Variants in SOHLH1 observed in about 807,000 individuals in gnomAD.
The protein encoded by SOHLH1 is spermatogenesis and oogenesis specific basic helix-loop-helix 1, also known as spermatogenesis- and oogenesis-specific basic helix-loop-helix-containing protein 1.
In SOHLH1, 23 loss-of-function variants were observed where a neutral mutation model predicts 36.2. That is an observed-to-expected ratio of 0.64 (90% CI 0.46 to 0.90). The LOEUF (loss-of-function observed/expected upper bound fraction) is 0.90, where lower values mean the gene tolerates loss of function less well. Among genes scored for constraint, SOHLH1 ranks in the 40% least tolerant of loss-of-function variants. SOHLH1 has a pLI of 0.00. For synonymous variants in SOHLH1, 289 were observed against 228.3 expected (o/e 1.27, Z -2.40); for missense variants, 608 against 517.0 (o/e 1.18, Z -1.71).
intron 6 of SOHLH1, 135 bp from the exon 7 acceptor site, chr9:135,694,592 C>T (rs2131285855): frequency 2.3e-6 from 3 of 1,308,220 alleles, no homozygotes; most frequent in Middle Eastern, 1.8e-4. Context: ...CAGGCTCCAC[C>T]CTGCCCAGCG....
chr9:135,695,752 C>T lies in SOHLH1; in HGVS notation c.662-489G>A, dbSNP rs1033996182. Reference sequence around the variant, plus strand: ...CTCATGGCACCTGGCGACTTCCAGACGCTACCACAGCAGGGGCCGAGGGGA... The same window carrying T: ...CTCATGGCACCTGGCGACTTCCAGATGCTACCACAGCAGGGGCCGAGGGGA... On this transcript the variant is annotated intron_variant, in intron 5 of 7. Coordinates refer to ENST00000425225, the MANE Select transcript of SOHLH1 (RefSeq NM_001101677.2). Among the ~76,000 whole-genome samples, 19 of 152,290 alleles carry T rather than the reference C, an allele frequency of 1.2e-4. No homozygotes were observed. The East Asian group carries it at 3.1e-3, about 25-fold the overall frequency.
At chr9:135,701,975 C>G (rs1452424873), upstream of SOHLH1, among the ~76,000 whole-genome samples, 5 of 152,044 alleles carry the variant, frequency 3.3e-5, no homozygotes, top group Non-Finnish European at 7.4e-5. Flanking sequence ...TTGACGAACC[C>G]CGTCCTGTTT....
In SOHLH1 at chr9:135,693,811, G is replaced by T; in HGVS notation, c.950C>A (p.Ser317Tyr). The change falls in exon 8 of 8, where the codon TCT becomes TAT. Residue 317 changes from serine to tyrosine, a missense_variant. Coordinates refer to ENST00000425225, the MANE Select transcript of SOHLH1 (RefSeq NM_001101677.2). The stretch of plus-strand genomic sequence containing the variant: ...GCCACTGCCTCCTCGACCCTCCAGA[G>T]ACCCTGGAAGCAAACAGGACACATC... ...LTAGPSSWPG[S>Y]LEGRGGSGPA... The T allele has an allele frequency of 6.4e-7, 1 of 1,564,418 alleles. No individual in the cohort carries two copies. Among genetic ancestry groups the T allele is most frequent in the African/African-American group, 1.4e-5 (1 of 73,692 alleles).
In SOHLH1 at chr9:135,695,094, C is replaced by T. The variant is rs55674357; in HGVS notation, c.831G>A (p.Leu277=). Residue 277 remains leucine, a synonymous_variant, in exon 6 of 8, where the codon CTG becomes CTA. Transcript: ENST00000425225. The part of the protein sequence containing the change: ...AGPLAMGAAP[L]GEPAKEDPML... ...TGGGGTCCTCCTTGGCTGGCTCCCC[C>T]AGAGGTGCAGCCCCCATGGCCAGGG... 8 of 1,598,120 alleles carry T rather than the reference C, an allele frequency of 5.0e-6. No homozygotes were observed. In the South Asian group the frequency reaches 6.8e-5, roughly 14 times the overall value.
rs747241771 is a variant in SOHLH1 at position 135,697,486 on chromosome 9, G to A, written c.467+20C>T. 61 of 1,605,086 alleles carry A rather than the reference G, an allele frequency of 3.8e-5. No homozygotes were observed. The highest frequency in any genetic ancestry group is 8.0e-5 in the African/African-American group (6 of 74,842). The stretch of plus-strand genomic sequence containing the variant: ...CCAGGGTCACCCAGCCCTGGAGAGC[G>A]GGCCCCAGGAGACACTAACCGAGTC... On this transcript the variant is annotated intron_variant, in intron 4 of 7. Transcript: ENST00000425225.
Position 135,693,818 on chromosome 9 carries a change from G to A in SOHLH1, c.947-4C>T. On this transcript the variant is annotated splice_region_variant and splice_polypyrimidine_tract_variant and intron_variant, in intron 7 of 7. Transcript: ENST00000425225. The stretch of plus-strand genomic sequence containing the variant: ...CCTCCTCGACCCTCCAGAGACCCTG[G>A]AAGCAAACAGGACACATCGGCAGGG... 1 of 1,559,560 alleles carries A rather than the reference G, an allele frequency of 6.4e-7. No homozygotes were observed. Among genetic ancestry groups the A allele is most frequent in the South Asian group, 1.2e-5 (1 of 84,918 alleles).
At position 135,695,270 on chromosome 9, in the gene SOHLH1, G is replaced by A. The variant is rs1000405099; in HGVS notation, c.662-7C>T. The A allele has an allele frequency of 3.2e-6, 5 of 1,586,846 alleles. No homozygotes were observed. In the Admixed American group the frequency reaches 7.2e-5, roughly 23 times the overall value. ...GGCACCAGGCTGGAAGGTTCTGGGAGAGAAGTCAGATGCGGGTCAGCCTTC... is the reference window on the plus strand; with the variant it reads ...GGCACCAGGCTGGAAGGTTCTGGGAAAGAAGTCAGATGCGGGTCAGCCTTC... On this transcript the variant is annotated splice_polypyrimidine_tract_variant and splice_region_variant and intron_variant, in intron 5 of 7. Coordinates refer to ENST00000425225, the MANE Select transcript of SOHLH1 (RefSeq NM_001101677.2).
At chr9:135,697,893 C>T (rs1473967659) in intron 3 of SOHLH1, among the ~76,000 whole-genome samples, 1 of 152,156 alleles carries the variant, frequency 6.6e-6, no homozygotes, top group Non-Finnish European at 1.5e-5. Context: ...AACACAGTTT[C>T]ATTCCCCACA....
Position 135,693,851 on chromosome 9 carries a change from G to T in SOHLH1, c.947-37C>A, listed in dbSNP as rs139628460. The T allele has an allele frequency of 7.4e-3, 11,242 of 1,526,882 alleles. 80 individuals carry two copies. Among genetic ancestry groups the T allele is most frequent in the Middle Eastern group, 0.03 (180 of 5,908 alleles). The allele number at this position is 1,526,882 out of a possible 1,614,324, so 94.6% of individuals were successfully genotyped here. A position where few individuals can be genotyped will look rare whatever the true frequency, so the allele number is the denominator to read the frequency against. Reference sequence around the variant, plus strand: ...CAGGACACATCGGCAGGGCAGGCAGGTGCTCTGGGAGCTTGAGGCAGACAG... The same window carrying T: ...CAGGACACATCGGCAGGGCAGGCAGTTGCTCTGGGAGCTTGAGGCAGACAG... On this transcript the variant is annotated intron_variant, in intron 7 of 7. Coordinates refer to ENST00000425225, the MANE Select transcript of SOHLH1 (RefSeq NM_001101677.2).
upstream of SOHLH1, among the ~76,000 whole-genome samples, chr9:135,700,387 A>G: frequency 6.6e-6 from 1 of 150,732 alleles, no homozygotes; most frequent in South Asian, 2.1e-4. Context: ...GGAGGTGGAG[A>G]CCCTTCCTCT....
rs1231834107 is a variant in SOHLH1, at chr9:135,695,189, G to A, written c.736C>T (p.Pro246Ser). 14 of 1,604,882 alleles carry A rather than the reference G, an allele frequency of 8.7e-6. No homozygotes were observed. Among genetic ancestry groups the A allele is most frequent in the Non-Finnish European group, 1.2e-5 (14 of 1,177,368 alleles). Residue 246 changes from proline (P) to serine (S), a missense_variant, in exon 6 of 8, where the codon CCG (proline) becomes TCG (serine). Physicochemically the swap from Pro to Ser is moderately conservative, Grantham distance 74. Transcript: ENST00000425225. The stretch of plus-strand genomic sequence containing the variant: ...GGCAAGGTCTGCTGCTGCGAGAACG[G>A]AGGCCAGGACAGGGGTGGCCTCACA... ...KAVRPPLSWP[P>S]FSQQQTLPVM...
Position 135,695,045 on chromosome 9 carries a change from C to T in SOHLH1, c.875+5G>A. ...CACAGGCGTGCACACCACCTGGGCA[C>T]TCACCCGGCCTCCTGCGCCAGCATG... On this transcript the variant is annotated splice_donor_5th_base_variant and intron_variant, in intron 6 of 7. Coordinates refer to ENST00000425225, the MANE Select transcript of SOHLH1 (RefSeq NM_001101677.2). The T allele has an allele frequency of 6.3e-7, 1 of 1,588,444 alleles. No individual in the cohort carries two copies.
chr9:135,698,594 A>G, intron 2 of SOHLH1, 118 bp from the exon 3 acceptor site: 2 of 1,426,494 alleles, frequency 1.4e-6, no homozygotes, highest in Non-Finnish European at 9.8e-7. Flanking sequence ...GGGGGCTACA[A>G]GATGACTCAG....
At position 135,698,315 on chromosome 9, in the gene SOHLH1, C is replaced by T. The variant is rs745780684; in HGVS notation, c.345+14G>A. The T allele has an allele frequency of 3.1e-6, 5 of 1,612,840 alleles. No individual in the cohort carries two copies. The highest frequency in any genetic ancestry group is 2.7e-5 in the African/African-American group (2 of 74,934). On this transcript the variant is annotated intron_variant, in intron 3 of 7. Transcript: ENST00000425225. ...GATGCCGGAGGACTGACGGCGTCTA[C>T]CCTTACAACTCACAGCGTGCTGCTC... is the stretch of plus-strand genomic sequence containing the variant.
chr9:135,697,206 A>C (rs1834838349), intron 4 of SOHLH1, among the ~76,000 whole-genome samples: 2 of 152,204 alleles, frequency 1.3e-5, no homozygotes. Context: ...ATGACACCTC[A>C]CTGACCACCT....
chr9:135,699,286 G>C, intron 1 of SOHLH1, 117 bp downstream of exon 1: 2 of 1,495,256 alleles, frequency 1.3e-6, no homozygotes, highest in Non-Finnish European at 1.8e-6. Context: ...CCCTCTCCCA[G>C]GGTCCAGGGC....
intron 7 of SOHLH1, chr9:135,694,025 A>C: frequency 3.5e-6 from 5 of 1,426,776 alleles, no homozygotes; most frequent in Non-Finnish European, 3.7e-6. Context: ...CGGGCTCCCA[A>C]ACACTAAATC....
intron 7 of SOHLH1, chr9:135,694,015 C>T (rs1007900491): frequency 7.2e-5 from 103 of 1,427,022 alleles, no homozygotes; most frequent in South Asian, 2.8e-4. Context: ...GAACCAGGAA[C>T]GGGCTCCCAA....
intron 7 of SOHLH1, 53 bp downstream of exon 7, chr9:135,694,334 C>G (rs996579976): frequency 6.2e-7 from 1 of 1,611,792 alleles, no homozygotes; most frequent in Non-Finnish European, 8.5e-7. Context: ...TTCCCCAGCT[C>G]ATATCAGGTG....
Sources: allele counts gnomAD v4.1 joint callset (sites outside exome capture counted in the v4.1 genomes callset), GRCh38; gene constraint gnomAD v4.1.1; transcripts MANE v1.5; gene names NCBI Gene and HGNC (gene_info 2026-07-23, HGNC 2026-07-21).